The following GRIP2 variants were observed in gnomAD, a reference collection of about 807,000 sequenced individuals.
GRIP2 encodes the protein glutamate receptor interacting protein 2, also known as glutamate receptor-interacting protein 2.
Under a neutral mutation model 108.3 loss-of-function variants are expected in GRIP2, and 58 were observed. The observed-to-expected ratio is 0.54, with a 90% CI of 0.43 to 0.67. GRIP2 has a LOEUF of 0.67. GRIP2 is among the 30% of genes least tolerant of loss of function. GRIP2 has a pLI of 0.00. For synonymous variants in GRIP2, 586 were observed against 598.2 expected, an observed-to-expected ratio of 0.98 and a Z score of 0.30; for missense variants, 1,278 against 1,430.6, an observed-to-expected ratio of 0.89 and a Z score of 1.72.
rs1282942431 is a variant in GRIP2 at position 14,520,191 on chromosome 3, G to A, written c.949C>T (p.Leu317=). 3 of 1,613,210 alleles carry A rather than the reference G, an allele frequency of 1.9e-6. No homozygotes were observed. The highest frequency in any genetic ancestry group is 2.5e-6 in the Non-Finnish European group (3 of 1,179,762). ...CGCACCTTCTCTGAAATGCTGGCCA[G>A]GAGCTTGGTGGCCTCAAGCAGCGAG... ...HCSLLEATKL[L]ASISEKVRLE... The change falls in exon 9 of 24, where the codon CTG becomes TTG. Residue 317 remains leucine (L), a synonymous_variant. Transcript: ENST00000621039.
rs1253465316 is a variant in GRIP2 at position 14,522,838 on chromosome 3, G to A, written c.566+162C>T. 5 of 628,036 alleles carry A rather than the reference G, an allele frequency of 8.0e-6. No homozygotes were observed. Among genetic ancestry groups the A allele is most frequent in the South Asian group, 5.6e-5 (3 of 53,810 alleles). 38.9% of individuals were successfully genotyped at this position (628,036 alleles called of 1,614,324 possible). Reference sequence around the variant, plus strand: ...TTTCCCTCATTTGGGGTTACATCCCGGTTCCATCAACAACTCCCTGAATGA... The same window carrying A: ...TTTCCCTCATTTGGGGTTACATCCCAGTTCCATCAACAACTCCCTGAATGA... On this transcript the variant is annotated intron_variant, in intron 6 of 23. Transcript: ENST00000621039. The surrounding 1 kb of genome is among the most constrained non-coding windows in gnomAD (Gnocchi z 4.3).
chr3:14,581,981 G>A, the GRIP2 span, among the ~76,000 whole-genome samples: 2 of 152,296 alleles, frequency 1.3e-5, no homozygotes, highest in Non-Finnish European at 1.5e-5. Context: ...CTTGAGAGAG[G>A]GGAGAAGTAG....
At position 14,503,624 on chromosome 3, in the gene GRIP2, C is replaced by G; in HGVS notation, c.2621G>C (p.Gly874Ala). ...TGACTCCAGGTCTTCGAGAGCTTCT[C>G]CAAACATGCGCCAGAAGCCCTCCTC... ...AREEGFWRMF[G>A]EALEDLESCG... The change falls in exon 21 of 24, where the codon GGA becomes GCA. Residue 874 changes from glycine to alanine, a missense_variant. Gly to Ala is a moderately conservative substitution (Grantham distance 60). Transcript: ENST00000621039. The G allele has an allele frequency of 1.2e-6, 2 of 1,609,804 alleles. No homozygotes were observed. The highest frequency in any genetic ancestry group is 1.7e-6 in the Non-Finnish European group (2 of 1,178,010).
chr3:14,521,158 G>A lies in GRIP2; in HGVS notation c.712+484C>T, dbSNP rs1034914865. ...CCTTTCACTCACCTGTGCCAACCAC[G>A]GCAGCCTCCTCACTGTGACCAACCA... is the stretch of plus-strand genomic sequence containing the variant. On this transcript the variant is annotated intron_variant, in intron 7 of 23. Coordinates refer to ENST00000621039, the MANE Select transcript of GRIP2 (RefSeq NM_001080423.4). The surrounding 1 kb of genome is among the most constrained non-coding windows in gnomAD (Gnocchi z 5.1). The A allele has an allele frequency of 1.8e-5, 3 of 163,812 alleles. No individual in the cohort carries two copies. Among genetic ancestry groups the A allele is most frequent in the South Asian group, 1.7e-4 (1 of 5,716 alleles). 10.1% of individuals were successfully genotyped at this position (163,812 alleles called of 1,614,324 possible).
chr3:14,590,361 C>G, the GRIP2 span, among the ~76,000 whole-genome samples: 1 of 152,186 alleles, frequency 6.6e-6, no homozygotes, highest in Admixed American at 6.5e-5. Context: ...TACCACTCCT[C>G]CTCATCTGTG....
chr3:14,573,888 C>T, the GRIP2 span: 1 of 1,224,318 alleles, frequency 8.2e-7, no homozygotes, highest in Non-Finnish European at 1.2e-6. Context: ...GGTCTGCAGG[C>T]AGCCCGACCT....
chr3:14,525,564 G>A lies in GRIP2; in HGVS notation c.130C>T (p.Arg44Ter), dbSNP rs1575017065. The change falls in exon 3 of 24, where the codon CGA (arginine) becomes TGA (stop). Residue 44 changes from arginine (R) to a stop codon, truncating the protein, a stop_gained. Transcript: ENST00000621039. LOFTEE classifies it high-confidence loss of function. ...ATCAGCTCCACCACAGTGATCCCTCGGAACTCCTCTGCCAACAGATGGGGA... is the reference window on the plus strand; with the variant it reads ...ATCAGCTCCACCACAGTGATCCCTCAGAACTCCTCTGCCAACAGATGGGGA... ...CRRQSIPEEF[R>*]GITVVELIKK... The A allele has an allele frequency of 3.1e-6, 5 of 1,613,648 alleles. No homozygotes were observed. The highest frequency in any genetic ancestry group is 3.4e-6 in the Non-Finnish European group (4 of 1,179,872).
chr3:14,582,010 A>G, the GRIP2 span, among the ~76,000 whole-genome samples: 1 of 152,216 alleles, frequency 6.6e-6, no homozygotes, highest in African/African-American at 2.4e-5. Context: ...GGAATCCAGC[A>G]GCAGGGCTAC....
intron 1 of GRIP2, among the ~76,000 whole-genome samples, chr3:14,551,314 T>C (rs1382884168): frequency 2.6e-5 from 4 of 152,162 alleles, no homozygotes; most frequent in Admixed American, 2.6e-4. Flanking sequence ...GGACCTGAGC[T>C]GAAGAGATCA....
chr3:14,542,989 G>C (rs542067961), upstream of GRIP2, among the ~76,000 whole-genome samples: 6 of 152,340 alleles, frequency 3.9e-5, no homozygotes, highest in African/African-American at 1.2e-4. Context: ...TTCTGGGTGT[G>C]CAGAGGAAGA....
At chr3:14,602,337 G>A in the GRIP2 span, 1 of 151,888 alleles carries the variant, frequency 6.6e-6, no homozygotes, top group African/African-American at 2.4e-5. This position sits in a 1 kb window ranked among gnomAD's most constrained non-coding sequence, Gnocchi z 4.7. Flanking sequence ...CCGGGCAGGG[G>A]GCAGTGCGGC....
At chr3:14,534,742 C>T (rs1054714084) in intron 1 of GRIP2, among the ~76,000 whole-genome samples, 2 of 152,188 alleles carry the variant, frequency 1.3e-5, no homozygotes, top group South Asian at 2.1e-4. Context: ...CTCAGGCCCA[C>T]GCTGCAGCCG....
chr3:14,575,629 C>T, the GRIP2 span, among the ~76,000 whole-genome samples: 2 of 152,238 alleles, frequency 1.3e-5, no homozygotes, highest in Non-Finnish European at 2.9e-5. Context: ...AGGGTGGGAG[C>T]TCGTCACTAG....
chr3:14,566,097 A>G, the GRIP2 span, among the ~76,000 whole-genome samples: 1 of 152,204 alleles, frequency 6.6e-6, no homozygotes, highest in Non-Finnish European at 1.5e-5. Context: ...AGCATGGCCA[A>G]TAACTGTGTG....
At chr3:14,585,340 ATAAAATATTAT>A in the GRIP2 span, among the ~76,000 whole-genome samples, 1 of 152,268 alleles carries the variant, frequency 6.6e-6, no homozygotes, top group African/African-American at 2.4e-5. Context: ...AGATTTCAGC[ATAAAATATTAT>A]TTTTAAAGGT....
At chr3:14,560,416 C>G (rs1050109869), upstream of GRIP2, among the ~76,000 whole-genome samples, 7 of 152,230 alleles carry the variant, frequency 4.6e-5, no homozygotes, top group African/African-American at 1.4e-4. Flanking sequence ...TGCTCCTTCC[C>G]TGCATCCAGG....
At chr3:14,555,642 G>C (rs1695225987) in intron 1 of GRIP2, among the ~76,000 whole-genome samples, 1 of 152,040 alleles carries the variant, frequency 6.6e-6, no homozygotes, top group African/African-American at 2.4e-5. Context: ...GTGGAAGAGA[G>C]AGGAAGGGAC....
the GRIP2 span, among the ~76,000 whole-genome samples, chr3:14,568,887 G>A: frequency 4.6e-5 from 7 of 152,274 alleles, no homozygotes; most frequent in African/African-American, 1.4e-4. Context: ...CTCCAACCTC[G>A]GCTCTGCCCT....
chr3:14,502,146 A>G (rs576758138), intron 21 of GRIP2, among the ~76,000 whole-genome samples: 1 of 152,298 alleles, frequency 6.6e-6, no homozygotes, highest in South Asian at 2.1e-4. Flanking sequence ...AGAACCTGCT[A>G]TGTATAGTAT....
Sources: allele counts gnomAD v4.1 joint callset (sites outside exome capture counted in the v4.1 genomes callset), GRCh38; gene constraint gnomAD v4.1.1; non-coding constraint Gnocchi (gnomAD v3.1); transcripts MANE v1.5; gene names NCBI Gene and HGNC (gene_info 2026-07-23, HGNC 2026-07-21).